Variants in LRRC4B observed in about 807,000 individuals in gnomAD.
The protein encoded by LRRC4B is leucine rich repeat containing 4B, also known as leucine-rich repeat-containing protein 4B.
A neutral mutation model predicts 7.3 loss-of-function variants in LRRC4B; 1 was observed. That is an observed-to-expected ratio of 0.14 (90% CI 0.05 to 0.65). The LOEUF (loss-of-function observed/expected upper bound fraction) is 0.65, where lower values mean the gene tolerates loss of function less well. Among genes scored for constraint, LRRC4B ranks in the 30% least tolerant of loss-of-function variants. The pLI is 0.84. For synonymous variants in LRRC4B, 500 were observed against 499.2 expected (o/e 1.00, Z -0.02); for missense variants, 730 against 1,041.6 (o/e 0.70, Z 4.12).
At chr19:50,560,565 G>A (rs976574976) in intron 1 of LRRC4B, among the ~76,000 whole-genome samples, 5 of 152,188 alleles carry the variant, frequency 3.3e-5, no homozygotes, top group African/African-American at 9.7e-5. Flanking sequence ...CCTTCTCCTC[G>A]TCTACCTCAT....
intron 2 of LRRC4B, among the ~76,000 whole-genome samples, chr19:50,521,359 C>T (rs149535791): frequency 9.2e-4 from 139 of 151,860 alleles, no homozygotes; most frequent in African/African-American, 9.4e-4. Flanking sequence ...TGACGGAAAG[C>T]GACTGTTAGG....
intron 1 of LRRC4B, among the ~76,000 whole-genome samples, chr19:50,564,167 C>A (rs1982554576): frequency 6.6e-6 from 1 of 152,036 alleles, no homozygotes; most frequent in South Asian, 2.1e-4. Flanking sequence ...GAGTGGTGGC[C>A]CTTTGCACCT....
At chr19:50,558,200 T>TACACACACACAC (rs71182737) in intron 1 of LRRC4B, among the ~76,000 whole-genome samples, 116 of 147,700 alleles carry the variant, frequency 7.9e-4, no homozygotes, top group Non-Finnish European at 1.0e-3. Flanking sequence ...ACTGTATACA[T>TACACACACACAC]ACACACACAC....
intron 2 of LRRC4B, among the ~76,000 whole-genome samples, chr19:50,547,408 G>A (rs955380865): frequency 6.6e-6 from 1 of 152,020 alleles, no homozygotes; most frequent in East Asian, 1.9e-4. Context: ...CCTTTCCCAG[G>A]GACAGACCAG....
Position 50,548,427 on chromosome 19 carries a change from A to C in LRRC4B, c.297+115T>G. The C allele has an allele frequency of 7.2e-7, 1 of 1,386,840 alleles. No individual in the cohort carries two copies. The highest frequency in any genetic ancestry group is 9.8e-7 in the Non-Finnish European group (1 of 1,024,510). 85.9% of individuals were successfully genotyped at this position (1,386,840 alleles called of 1,614,324 possible). A position where few individuals can be genotyped will look rare whatever the true frequency, so the allele number is the denominator to read the frequency against. ...ATGCAGACCCGCAGGCCACATCCAC[A>C]GGTGCCGGAGACGGGGAAGCCCCGG... On this transcript the variant is annotated intron_variant, in intron 2 of 2. Transcript: ENST00000652263. The surrounding 1 kb of genome is among the most constrained non-coding windows in gnomAD (Gnocchi z 6.8).
chr19:50,556,271 T>G lies in LRRC4B; in HGVS notation c.-35-7398A>C, dbSNP rs1457805485. Among the ~76,000 whole-genome samples the G allele has an allele frequency of 1.7e-5, 2 of 119,326 alleles. No homozygotes were observed. Among genetic ancestry groups the G allele is most frequent in the Non-Finnish European group, 3.6e-5 (2 of 56,086 alleles). 78.3% of individuals were successfully genotyped at this position (119,326 alleles called of 152,430 possible). ...AGTGGGGGTGCAGTCGGGGTGGGGG[T>G]GAGGTGCAGTGGGTGGGGGTGAGGT... is the stretch of plus-strand genomic sequence containing the variant. On this transcript the variant is annotated intron_variant, in intron 1 of 2. Transcript: ENST00000652263. The surrounding 1 kb of genome is among the most constrained non-coding windows in gnomAD (Gnocchi z 4.2).
At chr19:50,565,259 C>A (rs1178082295) in intron 1 of LRRC4B, among the ~76,000 whole-genome samples, 2 of 152,236 alleles carry the variant, frequency 1.3e-5, no homozygotes, top group Non-Finnish European at 2.9e-5. Flanking sequence ...GGGGCCACCT[C>A]CGTGCCTTTT....
chr19:50,555,970 C>A lies in LRRC4B; in HGVS notation c.-35-7097G>T, dbSNP rs1479504232. The stretch of plus-strand genomic sequence containing the variant: ...GGATGAGCCCTTCTGTCCCTGGAAG[C>A]CGGTCCTATGGGAGAGACCCGGGTT... On this transcript the variant is annotated intron_variant, in intron 1 of 2. Transcript: ENST00000652263. The surrounding 1 kb of genome is among the most constrained non-coding windows in gnomAD (Gnocchi z 5.2). The A allele has an allele frequency of 6.6e-6, 1 of 152,220 alleles. No individual in the cohort carries two copies. Among genetic ancestry groups the A allele is most frequent in the Non-Finnish European group, 1.5e-5 (1 of 68,110 alleles). The allele number at this position is 152,220 out of a possible 1,614,324, so 9.4% of individuals were successfully genotyped here.
chr19:50,519,309 C>T lies in LRRC4B; in HGVS notation c.404G>A (p.Ser135Asn). ...GTCAAAAAGCTCCAGCGTGTTGAGG[C>T]TGGGCAGCCCGTTGAAGGCGCCCAC... ...IEVGAFNGLP[S>N]LNTLELFDNR... The change falls in exon 3 of 3, where the codon AGC becomes AAC. Residue 135 changes from serine to asparagine, a missense_variant. By Grantham distance (46) the Ser-to-Asn change is conservative. This residue lies in a region of LRRC4B where 226 missense variants were observed against 448.0 expected (regional missense o/e 0.50). Transcript: ENST00000652263. This position sits in a 1 kb window ranked among gnomAD's most constrained non-coding sequence, Gnocchi z 8.1. 1 of 1,613,810 alleles carries T rather than the reference C, an allele frequency of 6.2e-7. No individual in the cohort carries two copies. Among genetic ancestry groups the T allele is most frequent in the Non-Finnish European group, 8.5e-7 (1 of 1,180,034 alleles).
intron 2 of LRRC4B, among the ~76,000 whole-genome samples, chr19:50,535,167 CTGTT>C (rs1297481070): frequency 2.0e-5 from 3 of 151,480 alleles, no homozygotes; most frequent in Non-Finnish European, 4.4e-5. Flanking sequence ...CACGCCCGGC[CTGTT>C]TATTTATTTA....
chr19:50,562,667 G>A (rs1380457033), intron 1 of LRRC4B, among the ~76,000 whole-genome samples: 1 of 152,086 alleles, frequency 6.6e-6, no homozygotes, highest in Non-Finnish European at 1.5e-5. Context: ...AGTGAGCCTG[G>A]GAGTGGCTGG....
Position 50,535,550 on chromosome 19 carries a change from T to C in LRRC4B, c.297+12992A>G, listed in dbSNP as rs146588974. Among the ~76,000 whole-genome samples, 778 of 152,348 alleles carry C rather than the reference T, an allele frequency of 5.1e-3. 11 individuals are homozygous for C. The highest frequency in any genetic ancestry group is 0.018 in the African/African-American group (737 of 41,572). On this transcript the variant is annotated intron_variant, in intron 2 of 2. Coordinates refer to ENST00000652263, the MANE Select transcript of LRRC4B (RefSeq NM_001080457.2). Reference sequence around the variant, plus strand: ...TGTTGTTTGTGTGTGTGTGTTAATTTTTTTACATTCAGATTTTAAAAACCG... The same window carrying C: ...TGTTGTTTGTGTGTGTGTGTTAATTCTTTTACATTCAGATTTTAAAAACCG...
intron 2 of LRRC4B, among the ~76,000 whole-genome samples, chr19:50,520,251 G>A (rs113692710): frequency 0.29 from 4,393 of 15,180 alleles, 697 homozygotes; most frequent in African/African-American, 0.39. Context: ...AAAAAAAGAA[G>A]AAAAGAAAAG....
At chr19:50,527,782 C>T (rs1392576000) in intron 2 of LRRC4B, among the ~76,000 whole-genome samples, 2 of 144,980 alleles carry the variant, frequency 1.4e-5, no homozygotes, top group African/African-American at 2.5e-5. Context: ...CGCTCTGTTG[C>T]CCAGGCTGGA....
At position 50,556,628 on chromosome 19, in the gene LRRC4B, G is replaced by C. The variant is rs10425806; in HGVS notation, c.-35-7755C>G. 6.6e-6 allele frequency among the ~76,000 whole-genome samples: 1 copy of C among 152,224 alleles called. No individual in the cohort carries two copies. The highest frequency in any genetic ancestry group is 2.4e-5 in the African/African-American group (1 of 41,462). ...TGATTTGTTCCTGCGTTCATTGCCT[G>C]CCTTCCTGCTAAGAGGGGAGCCCCT... On this transcript the variant is annotated intron_variant, in intron 1 of 2. Coordinates refer to ENST00000652263, the MANE Select transcript of LRRC4B (RefSeq NM_001080457.2). The surrounding 1 kb of genome is among the most constrained non-coding windows in gnomAD (Gnocchi z 4.2).
intron 2 of LRRC4B, among the ~76,000 whole-genome samples, chr19:50,530,766 C>A (rs1201426973): frequency 1.3e-5 from 2 of 149,350 alleles, no homozygotes; most frequent in African/African-American, 4.9e-5. Flanking sequence ...GATGGAGTTT[C>A]GCTGTTTTCA....
chr19:50,518,537 G>A lies in LRRC4B; in HGVS notation c.1176C>T (p.Thr392=), dbSNP rs756405206. 4 of 1,580,882 alleles carry A rather than the reference G, an allele frequency of 2.5e-6. No individual in the cohort carries two copies. The highest frequency in any genetic ancestry group is 2.3e-5 in the South Asian group (2 of 85,384). ...ELKCRTGTSM[T]SVNWLTPNGT... ...CGTTGGGCGTCAGCCAGTTGACGGA[G>A]GTCATGGAGGTGCCCGTGCGGCATT... The change falls in exon 3 of 3, where the codon ACC becomes ACT. Residue 392 remains threonine, a synonymous_variant. Transcript: ENST00000652263.
chr19:50,561,007 C>T (rs1016182548), intron 1 of LRRC4B, among the ~76,000 whole-genome samples: 2 of 152,134 alleles, frequency 1.3e-5, no homozygotes, highest in Non-Finnish European at 2.9e-5. Context: ...AGGAGAATCG[C>T]TTGAACCTGG....
intron 2 of LRRC4B, among the ~76,000 whole-genome samples, chr19:50,530,317 G>A (rs374692743): frequency 1.1e-3 from 166 of 152,244 alleles, no homozygotes; most frequent in African/African-American, 3.8e-3. Flanking sequence ...CTGGGCATCT[G>A]CCTTTCTCCC....
Sources: gnomAD v4.1 joint callset for allele counts (sites outside exome capture counted in the v4.1 genomes callset) on GRCh38, gnomAD v4.1.1 for gene constraint, gnomAD v4.1.1 regional missense constraint, Gnocchi (gnomAD v3.1) non-coding constraint, MANE v1.5 for transcripts, NCBI Gene and HGNC (gene_info 2026-07-23, HGNC 2026-07-21) for gene names.